NAALADL2: variants seen among roughly 807,000 people sequenced by gnomAD.
The protein encoded by NAALADL2 is inactive N-acetylated-alpha-linked acidic dipeptidase-like protein 2.
A neutral mutation model predicts 87.2 loss-of-function variants in NAALADL2; 76 were observed. The observed-to-expected ratio is 0.87, with a 90% confidence interval of 0.72 to 1.05. The LOEUF (loss-of-function observed/expected upper bound fraction) is 1.05. NAALADL2 is among the 50% of genes least tolerant of loss of function. The pLI is 0.00. For synonymous variants in NAALADL2, 354 were observed against 331.0 expected, an observed-to-expected ratio of 1.07 and a Z score of -0.75; for missense variants, 1,089 against 945.8, an observed-to-expected ratio of 1.15 and a Z score of -1.99.
intron 3 of NAALADL2, among the ~76,000 whole-genome samples, chr3:174,843,366 G>A (rs1407641758): frequency 6.6e-6 from 1 of 150,642 alleles, no homozygotes; most frequent in Non-Finnish European, 1.5e-5. Context: ...TTGTCTTTCT[G>A]TGTCTCATCT....
At chr3:175,787,888 AATTT>A (rs1752281282) in intron 13 of NAALADL2, among the ~76,000 whole-genome samples, 1 of 152,242 alleles carries the variant, frequency 6.6e-6, no homozygotes, top group East Asian at 1.9e-4. Flanking sequence ...AGCTAAGGCT[AATTT>A]ATTATTGAAG....
chr3:175,751,361 T>C (rs935780837), intron 12 of NAALADL2, among the ~76,000 whole-genome samples: 1 of 151,988 alleles, frequency 6.6e-6, no homozygotes, highest in African/African-American at 2.4e-5. Context: ...TACATTGGGT[T>C]GGAGGGGCAC....
At chr3:174,641,929 A>G (rs770101621) in intron 2 of NAALADL2, among the ~76,000 whole-genome samples, 1 of 151,904 alleles carries the variant, frequency 6.6e-6, no homozygotes, top group Non-Finnish European at 1.5e-5. Context: ...GCTGACTTTT[A>G]AATTTCTTTT....
chr3:174,517,805 A>ATATTGTGTT (rs1720025185), intron 1 of NAALADL2, among the ~76,000 whole-genome samples: 1 of 152,114 alleles, frequency 6.6e-6, no homozygotes, highest in South Asian at 2.1e-4. Context: ...AATCTCTAGT[A>ATATTGTGTT]TATTGTGTTT....
At chr3:175,129,864 A>C (rs1236872498) in intron 2 of NAALADL2, among the ~76,000 whole-genome samples, 2 of 152,140 alleles carry the variant, frequency 1.3e-5, no homozygotes, top group Non-Finnish European at 2.9e-5. Context: ...ATCATATAGT[A>C]GTCCTTTTTT....
chr3:174,788,079 A>T (rs1375770607), intron 3 of NAALADL2, among the ~76,000 whole-genome samples: 1 of 152,112 alleles, frequency 6.6e-6, no homozygotes, highest in Non-Finnish European at 1.5e-5. Context: ...TCTAGAGAAG[A>T]CTCAAAAAGA....
intron 4 of NAALADL2, among the ~76,000 whole-genome samples, chr3:175,260,903 T>C (rs1750913199): frequency 6.6e-6 from 1 of 152,144 alleles, no homozygotes; most frequent in Non-Finnish European, 1.5e-5. Context: ...ATACTAAGAA[T>C]GTATGTAATT....
chr3:174,937,019 A>C (rs780110002), intron 1 of NAALADL2, among the ~76,000 whole-genome samples: 4 of 152,138 alleles, frequency 2.6e-5, no homozygotes, highest in Non-Finnish European at 5.9e-5. Flanking sequence ...TGAACATTTT[A>C]AAAAAGAGCC....
At chr3:174,491,669 AT>A (rs1229298846) in intron 1 of NAALADL2, among the ~76,000 whole-genome samples, 1 of 152,070 alleles carries the variant, frequency 6.6e-6, no homozygotes, top group African/African-American at 2.4e-5. Context: ...AAATATTGCC[AT>A]TTTTTTCCAA....
chr3:174,606,794 C>T (rs1459737232), intron 2 of NAALADL2, among the ~76,000 whole-genome samples: 1 of 152,118 alleles, frequency 6.6e-6, no homozygotes, highest in Non-Finnish European at 1.5e-5. Flanking sequence ...GGCAGGCCAA[C>T]ATTCAGATTC....
intron 3 of NAALADL2, among the ~76,000 whole-genome samples, chr3:175,254,415 A>G (rs4894483): frequency 0.8 from 121,398 of 152,144 alleles, 48,485 homozygotes; most frequent in East Asian, 0.88. Flanking sequence ...ACTATTATAT[A>G]TATGGGAAAA....
intron 2 of NAALADL2, among the ~76,000 whole-genome samples, chr3:174,578,932 A>G (rs575100200): frequency 1.3e-5 from 2 of 152,134 alleles, no homozygotes; most frequent in East Asian, 3.9e-4. Context: ...ATCTTACGAA[A>G]GAAAAAATAT....
chr3:175,343,653 A>ATTTTTTTTTTTTTT (rs1581504166), intron 5 of NAALADL2, among the ~76,000 whole-genome samples: 6 of 52,272 alleles, frequency 1.1e-4, no homozygotes, highest in Admixed American at 4.6e-4. Context: ...TGTCTTGATC[A>ATTTTTTTTTTTTTT]TGTTTTTTTT....
intron 13 of NAALADL2, among the ~76,000 whole-genome samples, chr3:175,781,974 C>T (rs1472550599): frequency 6.7e-6 from 1 of 150,120 alleles, no homozygotes; most frequent in Non-Finnish European, 1.5e-5. Context: ...TTTGTTCTTG[C>T]TATAGTTTAC....
chr3:174,496,970 A>G (rs1718587928), intron 1 of NAALADL2, among the ~76,000 whole-genome samples: 3 of 152,134 alleles, frequency 2.0e-5, no homozygotes, highest in South Asian at 4.1e-4. Context: ...TAACCCCATA[A>G]TTTACTTGTT....
intron 1 of NAALADL2, among the ~76,000 whole-genome samples, chr3:174,923,563 T>G (rs1370877498): frequency 6.6e-6 from 1 of 152,150 alleles, no homozygotes; most frequent in African/African-American, 2.4e-5. Context: ...AGAAGCAGGA[T>G]TTGCATAGTA....
intron 3 of NAALADL2, among the ~76,000 whole-genome samples, chr3:174,838,352 T>C (rs1245770139): frequency 6.6e-6 from 1 of 152,152 alleles, no homozygotes; most frequent in Admixed American, 6.5e-5. Flanking sequence ...CTCAAGGTAA[T>C]AGAAGCCACC....
chr3:175,176,019 A>T (rs1032809165), intron 2 of NAALADL2, among the ~76,000 whole-genome samples: 3 of 152,140 alleles, frequency 2.0e-5, no homozygotes, highest in Non-Finnish European at 4.4e-5. Context: ...AAAGACTAAC[A>T]TTCTATTTTG....
intron 4 of NAALADL2, among the ~76,000 whole-genome samples, chr3:175,295,455 T>C (rs757472316): frequency 6.6e-6 from 1 of 152,126 alleles, no homozygotes; most frequent in Non-Finnish European, 1.5e-5. Context: ...ACACAAGTTA[T>C]AAATCAGTAA....
Sources: allele counts gnomAD v4.1 joint callset (sites outside exome capture counted in the v4.1 genomes callset), GRCh38; gene constraint gnomAD v4.1.1; transcripts MANE v1.5; gene names NCBI Gene and HGNC (gene_info 2026-07-23, HGNC 2026-07-21).